Variants in ZNF385D observed in about 807,000 individuals in gnomAD.
The protein encoded by ZNF385D is zinc finger protein 659.
Under a neutral mutation model 35.8 loss-of-function variants are expected in ZNF385D, and 15 were observed. The ratio of observed to expected loss-of-function variants is 0.42; its 90% confidence interval spans 0.28 to 0.64. ZNF385D has a LOEUF of 0.64. Among genes scored for constraint, ZNF385D ranks in the 30% least tolerant of loss-of-function variants. The probability of loss-of-function intolerance (pLI) is 0.23; values close to 1 mark genes in which losing one functional copy is unlikely to be tolerated. For missense variants in ZNF385D, 474 were observed against 494.6 expected (o/e 0.96, Z 0.39); for synonymous variants, 212 against 186.8 (o/e 1.13, Z -1.10).
At chr3:21,942,597 T>A (rs1243926887) in intron 3 of ZNF385D, 1 of 152,206 alleles carries the variant, frequency 6.6e-6, no homozygotes, top group African/African-American at 2.4e-5. Context: ...AATTGGGGCA[T>A]CTGTGATGAA....
At chr3:21,620,484 T>C (rs1211154359) in intron 2 of ZNF385D, among the ~76,000 whole-genome samples, 1 of 152,136 alleles carries the variant, frequency 6.6e-6, no homozygotes, top group Admixed American at 6.5e-5. Context: ...CACCATTTTA[T>C]ACCAACAAGC....
chr3:21,707,365 T>G (rs1352253014), intron 1 of ZNF385D, among the ~76,000 whole-genome samples: 1 of 152,240 alleles, frequency 6.6e-6, no homozygotes, highest in Non-Finnish European at 1.5e-5. Flanking sequence ...AGCTTTCATT[T>G]ATATTTCATG....
intron 2 of ZNF385D, among the ~76,000 whole-genome samples, chr3:21,588,208 T>A (rs1280035372): frequency 1.3e-5 from 2 of 152,070 alleles, no homozygotes; most frequent in Non-Finnish European, 2.9e-5. Flanking sequence ...GAAATAATGT[T>A]GTTGGGGATG....
intron 2 of ZNF385D, among the ~76,000 whole-genome samples, chr3:22,177,851 G>A (rs1421539803): frequency 1.3e-5 from 2 of 152,046 alleles, no homozygotes; most frequent in African/African-American, 4.8e-5. Flanking sequence ...TTTTGTCCTT[G>A]TGATAGTTTG....
intron 2 of ZNF385D, among the ~76,000 whole-genome samples, chr3:22,321,362 T>A (rs957669762): frequency 2.8e-4 from 42 of 151,956 alleles, no homozygotes; most frequent in South Asian, 6.2e-4. Flanking sequence ...GTACTTTTTT[T>A]AAAAAAAATT....
intron 1 of ZNF385D, among the ~76,000 whole-genome samples, chr3:21,717,726 C>T (rs557543147): frequency 6.6e-6 from 1 of 152,246 alleles, no homozygotes; most frequent in South Asian, 2.1e-4. Context: ...AAGGGAAACC[C>T]CTTTCACTTG....
intron 2 of ZNF385D, among the ~76,000 whole-genome samples, chr3:22,306,485 C>T (rs1399022794): frequency 6.6e-6 from 1 of 151,930 alleles, no homozygotes; most frequent in Non-Finnish European, 1.5e-5. Context: ...AATAGTTCTA[C>T]AATAATAGAG....
intron 1 of ZNF385D, among the ~76,000 whole-genome samples, chr3:21,728,010 A>G (rs2068838758): frequency 6.6e-6 from 1 of 152,152 alleles, no homozygotes; most frequent in South Asian, 2.1e-4. Context: ...GCTGGAAACC[A>G]TCATTCTCAG....
intron 3 of ZNF385D, among the ~76,000 whole-genome samples, chr3:21,888,109 AATT>A (rs1698646067): frequency 6.6e-6 from 1 of 152,082 alleles, no homozygotes; most frequent in Admixed American, 6.6e-5. Flanking sequence ...AACATCTCAT[AATT>A]TTTTTAAATT....
At chr3:22,205,602 G>T (rs1019914008) in intron 2 of ZNF385D, among the ~76,000 whole-genome samples, 8 of 151,868 alleles carry the variant, frequency 5.3e-5, no homozygotes, top group African/African-American at 1.7e-4. Context: ...AAAAGCAGGG[G>T]AATGAAGCTA....
At chr3:22,294,986 T>G (rs1702492486) in intron 2 of ZNF385D, among the ~76,000 whole-genome samples, 1 of 152,074 alleles carries the variant, frequency 6.6e-6, no homozygotes, top group South Asian at 2.1e-4. Flanking sequence ...TATCTATTTA[T>G]ACACACACTC....
intron 3 of ZNF385D, among the ~76,000 whole-genome samples, chr3:21,951,080 A>T (rs1559785029): frequency 6.6e-6 from 1 of 151,670 alleles, no homozygotes; most frequent in Non-Finnish European, 1.5e-5. Flanking sequence ...TAATTCTGTG[A>T]AGAAAGTCAA....
chr3:22,028,016 T>G (rs974604818), intron 3 of ZNF385D, among the ~76,000 whole-genome samples: 1 of 152,140 alleles, frequency 6.6e-6, no homozygotes, highest in Admixed American at 6.5e-5. Flanking sequence ...GCAGTGCACC[T>G]GGTTGCTCAC....
intron 3 of ZNF385D, among the ~76,000 whole-genome samples, chr3:22,165,889 T>A (rs1003757708): frequency 1.3e-5 from 2 of 152,188 alleles, no homozygotes; most frequent in Admixed American, 6.5e-5. Flanking sequence ...TCAAGTATCA[T>A]CACTTTCTAT....
At chr3:21,532,542 A>G (rs1043505325) in intron 3 of ZNF385D, among the ~76,000 whole-genome samples, 1 of 152,132 alleles carries the variant, frequency 6.6e-6, no homozygotes, top group South Asian at 2.1e-4. Context: ...GTTGTCTCCA[A>G]CGTAAATTTC....
chr3:22,180,038 A>AG (rs1695123764), intron 2 of ZNF385D, among the ~76,000 whole-genome samples: 2 of 152,224 alleles, frequency 1.3e-5, no homozygotes, highest in South Asian at 2.1e-4. Context: ...ATAGACCACT[A>AG]GCAAGACTAA....
chr3:21,955,026 C>A (rs752975732), intron 3 of ZNF385D, among the ~76,000 whole-genome samples: 3 of 152,122 alleles, frequency 2.0e-5, no homozygotes, highest in African/African-American at 4.8e-5. Flanking sequence ...TGACTTTTAA[C>A]TTTTATTGTA....
At chr3:22,302,337 T>A (rs75694618) in intron 2 of ZNF385D, among the ~76,000 whole-genome samples, 1 of 151,842 alleles carries the variant, frequency 6.6e-6, no homozygotes, top group Non-Finnish European at 1.5e-5. Context: ...TAGTTTCTCA[T>A]TGTGATTTTA....
intron 4 of ZNF385D, among the ~76,000 whole-genome samples, chr3:21,479,048 G>GAT (rs1704426361): frequency 1.9e-5 from 2 of 102,784 alleles, no homozygotes; most frequent in Non-Finnish European, 4.1e-5. Flanking sequence ...GTAAATATTG[G>GAT]GTATATATAT....
Sources: gnomAD v4.1 joint callset for allele counts (sites outside exome capture counted in the v4.1 genomes callset) on GRCh38, gnomAD v4.1.1 for gene constraint, MANE v1.5 for transcripts, NCBI Gene and HGNC (gene_info 2026-07-23, HGNC 2026-07-21) for gene names.